PTK7: variants seen among roughly 807,000 people sequenced by gnomAD.
The protein encoded by PTK7 is protein tyrosine kinase 7 (inactive).
A neutral mutation model predicts 116.6 loss-of-function variants in PTK7; 39 were observed. That is an observed-to-expected ratio of 0.33 (90% CI 0.26 to 0.44). The LOEUF (loss-of-function observed/expected upper bound fraction) is 0.44, where lower values mean the gene tolerates loss of function less well. PTK7 is among the 20% of genes least tolerant of loss of function. The probability of loss-of-function intolerance (pLI) is 1.00; values close to 1 mark genes in which losing one functional copy is unlikely to be tolerated. For missense variants in PTK7, 1,169 were observed against 1,425.6 expected (o/e 0.82, Z 2.90); for synonymous variants, 546 against 563.6 (o/e 0.97, Z 0.44).
intron 1 of PTK7, among the ~76,000 whole-genome samples, chr6:43,084,684 A>T (rs1241733746): frequency 6.6e-6 from 1 of 152,228 alleles, no homozygotes. Flanking sequence ...GAGAAACGTG[A>T]ATCAGATGAA....
chr6:43,133,099 A>C (rs1769808511), intron 7 of PTK7: 1 of 382,390 alleles, frequency 2.6e-6, no homozygotes, highest in South Asian at 1.4e-4. Context: ...AGGTCAAATG[A>C]AGTAGATGAA....
At chr6:43,097,240 G>A (rs1767315857) in intron 1 of PTK7, among the ~76,000 whole-genome samples, 1 of 152,188 alleles carries the variant, frequency 6.6e-6, no homozygotes, top group Non-Finnish European at 1.5e-5. Context: ...AGCTAAACCT[G>A]AAGCCGGTGC....
At chr6:43,085,234 G>A (rs1464648734) in intron 1 of PTK7, among the ~76,000 whole-genome samples, 1 of 152,182 alleles carries the variant, frequency 6.6e-6, no homozygotes, top group Non-Finnish European at 1.5e-5. Context: ...TCTTCCCAGA[G>A]ACTGTCCTGG....
intron 1 of PTK7, among the ~76,000 whole-genome samples, chr6:43,090,065 C>CT (rs1442374944): frequency 6.6e-6 from 1 of 152,248 alleles, no homozygotes; most frequent in East Asian, 1.9e-4. Context: ...CCAGCTTGCT[C>CT]TGTCTCCAGA....
chr6:43,146,612 C>T lies in PTK7; in HGVS notation c.2641-6C>T. ...ACCTGAGCGAGATGCCTGGCTTTTC[C>T]CTTAGGGAGACCTCAAGCAGTTCCT... is the stretch of plus-strand genomic sequence containing the variant. On this transcript the variant is annotated splice_region_variant and splice_polypyrimidine_tract_variant and intron_variant, in intron 16 of 19. Coordinates refer to ENST00000230419, the MANE Select transcript of PTK7 (RefSeq NM_002821.5). 1 of 1,613,296 alleles carries T rather than the reference C, an allele frequency of 6.2e-7. No individual in the cohort carries two copies. The highest frequency in any genetic ancestry group is 8.5e-7 in the Non-Finnish European group (1 of 1,179,744).
chr6:43,140,083 G>A, intron 10 of PTK7, among the ~76,000 whole-genome samples: 1 of 151,842 alleles, frequency 6.6e-6, no homozygotes, highest in East Asian at 1.9e-4. Flanking sequence ...CATTGCACCA[G>A]AGTCTGGCTG....
chr6:43,160,820 G>A lies in PTK7; in HGVS notation c.3152G>A (p.Arg1051Gln). The change falls in exon 20 of 20, where the codon CGG becomes CAG. Residue 1051 changes from arginine (R) to glutamine (Q), a missense_variant. This residue lies in a region of PTK7 where 678 missense variants were observed against 853.8 expected (regional missense o/e 0.79). Coordinates refer to ENST00000230419, the MANE Select transcript of PTK7 (RefSeq NM_002821.5). Reference sequence around the variant, plus strand: ...TGCTGGGCCCTCAGCCCCAAGGACCGGCCCTCCTTCAGTGAGATTGCCAGC... The same window carrying A: ...TGCTGGGCCCTCAGCCCCAAGGACCAGCCCTCCTTCAGTGAGATTGCCAGC... The part of the protein sequence containing the change: ...QRCWALSPKD[R>Q]PSFSEIASAL... The A allele has an allele frequency of 2.5e-6, 4 of 1,614,136 alleles. No homozygotes were observed. The highest frequency in any genetic ancestry group is 3.4e-6 in the Non-Finnish European group (4 of 1,180,018).
chr6:43,089,555 A>G lies in PTK7; in HGVS notation c.79+12988A>G, dbSNP rs151298700. On this transcript the variant is annotated intron_variant, in intron 1 of 19. Transcript: ENST00000230419. ...AAGGAAATGCTGTCGATCTCTTAAT[A>G]GTTCCAGCACAAAGAACAAAGCATT... is the stretch of plus-strand genomic sequence containing the variant. 2.2e-3 allele frequency among the ~76,000 whole-genome samples: 330 copies of G among 152,382 alleles called. 1 individual carries two copies. Among genetic ancestry groups the G allele is most frequent in the Middle Eastern group, 0.014 (4 of 294 alleles).
Position 43,088,748 on chromosome 6 carries a change from C to A in PTK7, c.79+12181C>A, listed in dbSNP as rs1356042110. On this transcript the variant is annotated intron_variant, in intron 1 of 19. Transcript: ENST00000230419. ...AAATAAATAAAGAGTTATGGTGAAA[C>A]TATATGTAATCTAAAAGGCTAGAAC... Among the ~76,000 whole-genome samples, 3 of 151,932 alleles carry A rather than the reference C, an allele frequency of 2.0e-5. No homozygotes were observed. The East Asian group carries it at 5.8e-4, about 29-fold the overall frequency.
At chr6:43,084,197 C>T (rs1582055253) in intron 1 of PTK7, among the ~76,000 whole-genome samples, 1 of 152,318 alleles carries the variant, frequency 6.6e-6, no homozygotes, top group East Asian at 1.9e-4. Context: ...GTGGTGCAAT[C>T]ACAGCTCACT....
At chr6:43,099,091 G>T in intron 1 of PTK7, among the ~76,000 whole-genome samples, 2 of 149,352 alleles carry the variant, frequency 1.3e-5, no homozygotes, top group South Asian at 2.1e-4. Flanking sequence ...AAATAGATAA[G>T]TCATTTAGGA....
intron 1 of PTK7, among the ~76,000 whole-genome samples, chr6:43,125,626 G>A (rs1769244065): frequency 6.6e-6 from 1 of 152,232 alleles, no homozygotes; most frequent in Non-Finnish European, 1.5e-5. Flanking sequence ...GGCAAGTGGA[G>A]AGCCTTCTAA....
At chr6:43,115,710 C>A (rs1435985038) in intron 1 of PTK7, among the ~76,000 whole-genome samples, 1 of 151,852 alleles carries the variant, frequency 6.6e-6, no homozygotes, top group Admixed American at 6.6e-5. Context: ...CCGAGATGGG[C>A]AGATTGCTTG....
At chr6:43,077,083 C>T in intron 1 of PTK7, 10 of 1,250,526 alleles carry the variant, frequency 8.0e-6, no homozygotes, top group Admixed American at 3.6e-5. Flanking sequence ...TCCCGGCTTC[C>T]CTCCTCCGAG....
At chr6:43,132,763 C>G in intron 7 of PTK7, 76 bp downstream of exon 7, 1 of 1,541,162 alleles carries the variant, frequency 6.5e-7, no homozygotes, top group Non-Finnish European at 8.8e-7. Flanking sequence ...AGAGGCTTCC[C>G]TGGTACTCAC....
At chr6:43,081,043 A>G (rs1183132696) in intron 1 of PTK7, among the ~76,000 whole-genome samples, 4 of 152,024 alleles carry the variant, frequency 2.6e-5, no homozygotes, top group African/African-American at 9.7e-5. Context: ...GTCATTCCCA[A>G]CAATAGACAT....
At position 43,161,087 on chromosome 6, in the gene PTK7, C is replaced by T. The variant is rs928249803; in HGVS notation, c.*206C>T. 2.6e-5 allele frequency: 18 copies of T among 687,768 alleles called. No homozygotes were observed. Among genetic ancestry groups the T allele is most frequent in the Admixed American group, 1.2e-4 (4 of 32,834 alleles). The allele number at this position is 687,768 out of a possible 1,614,324, so 42.6% of individuals were successfully genotyped here. ...GAGGCTGACTTGGACCCAAACTGGGCGACTAGGGCTTTGAGCTGGGCAGTT... is the reference window on the plus strand; with the variant it reads ...GAGGCTGACTTGGACCCAAACTGGGTGACTAGGGCTTTGAGCTGGGCAGTT... On this transcript the variant is annotated 3_prime_UTR_variant, in exon 20 of 20. Coordinates refer to ENST00000230419, the MANE Select transcript of PTK7 (RefSeq NM_002821.5).
rs1197866227 is a variant in PTK7 at position 43,143,577 on chromosome 6, G to A, written c.2208G>A (p.Gln736=). The A allele has an allele frequency of 1.9e-6, 3 of 1,613,238 alleles. No individual in the cohort carries two copies. The highest frequency in any genetic ancestry group is 2.5e-6 in the Non-Finnish European group (3 of 1,180,030). Residue 736 remains glutamine, a synonymous_variant, in exon 14 of 20, where the codon CAG becomes CAA. Coordinates refer to ENST00000230419, the MANE Select transcript of PTK7 (RefSeq NM_002821.5). The surrounding 1 kb of genome is among the most constrained non-coding windows in gnomAD (Gnocchi z 4.2). ...AGCGCTGCAAAGCCAAGCGGCTGCA[G>A]AAGCAGCCCGAGGGCGAGGAGCCAG... ...CKKRCKAKRL[Q]KQPEGEEPEM...
chr6:43,148,621 A>G (rs891637252), intron 17 of PTK7, among the ~76,000 whole-genome samples: 2 of 152,200 alleles, frequency 1.3e-5, no homozygotes, highest in African/African-American at 4.8e-5. Context: ...AAGGGACTCT[A>G]TTTGACTGCA....
Sources: allele counts gnomAD v4.1 joint callset (sites outside exome capture counted in the v4.1 genomes callset), GRCh38; gene constraint gnomAD v4.1.1; regional missense constraint gnomAD v4.1.1; non-coding constraint Gnocchi (gnomAD v3.1); transcripts MANE v1.5; gene names NCBI Gene and HGNC (gene_info 2026-07-23, HGNC 2026-07-21).